Variants in RALGPS1 observed in about 807,000 individuals in gnomAD.
The protein encoded by RALGPS1 is ras-specific guanine nucleotide-releasing factor RalGPS1.
Under a neutral mutation model 78.8 loss-of-function variants are expected in RALGPS1, and 19 were observed. That is an observed-to-expected ratio of 0.24 (90% confidence interval 0.17 to 0.35). The LOEUF (loss-of-function observed/expected upper bound fraction) is 0.35. RALGPS1 is among the 10% of genes least tolerant of loss of function. The pLI is 1.00. For synonymous variants in RALGPS1, 228 were observed against 256.3 expected (o/e 0.89, Z 1.06); for missense variants, 454 against 688.3 (o/e 0.66, Z 3.81).
intron 11 of RALGPS1, among the ~76,000 whole-genome samples, chr9:127,179,314 G>A (rs925436373): frequency 1.3e-5 from 2 of 152,218 alleles, no homozygotes; most frequent in East Asian, 1.9e-4. Context: ...CAGAGAGTGG[G>A]TGCTGCTGCA....
At chr9:127,014,709 G>T (rs1448568904) in intron 4 of RALGPS1, among the ~76,000 whole-genome samples, 6 of 152,090 alleles carry the variant, frequency 3.9e-5, no homozygotes, top group African/African-American at 1.4e-4. Flanking sequence ...TGTGGCCCTA[G>T]GTTGAGACAG....
At chr9:127,076,092 T>A (rs1409782354) in intron 8 of RALGPS1, among the ~76,000 whole-genome samples, 1 of 152,214 alleles carries the variant, frequency 6.6e-6, no homozygotes, top group Non-Finnish European at 1.5e-5. Flanking sequence ...TACTTCAAAG[T>A]GTGAAAACAG....
intron 8 of RALGPS1, among the ~76,000 whole-genome samples, chr9:127,121,673 C>G (rs2056101173): frequency 6.6e-6 from 1 of 152,250 alleles, no homozygotes; most frequent in African/African-American, 2.4e-5. Flanking sequence ...CGCATCCTCC[C>G]TGTATCTTGG....
At chr9:127,076,602 A>G (rs2050699822) in intron 8 of RALGPS1, among the ~76,000 whole-genome samples, 2 of 152,236 alleles carry the variant, frequency 1.3e-5, no homozygotes, top group South Asian at 2.1e-4. Flanking sequence ...TATAAAATCA[A>G]CAGGGCTAAA....
intron 4 of RALGPS1, among the ~76,000 whole-genome samples, chr9:127,030,190 G>C (rs1405729253): frequency 6.6e-6 from 1 of 152,176 alleles, no homozygotes; most frequent in African/African-American, 2.4e-5. Context: ...GAGGCACCTG[G>C]CTATCTTGGA....
At chr9:127,170,273 C>T (rs779019376) in intron 10 of RALGPS1, among the ~76,000 whole-genome samples, 5 of 152,164 alleles carry the variant, frequency 3.3e-5, no homozygotes, top group East Asian at 1.9e-4. Flanking sequence ...GGTCTGCAGC[C>T]GTGGCTGTGA....
At chr9:127,051,291 G>T (rs545366314) in intron 6 of RALGPS1, among the ~76,000 whole-genome samples, 1 of 152,294 alleles carries the variant, frequency 6.6e-6, no homozygotes, top group South Asian at 2.1e-4. Flanking sequence ...TGTGTTTATG[G>T]TGCCCACCCA....
In RALGPS1 at chr9:127,017,413, A is replaced by G. The variant is rs554698883; in HGVS notation, c.217-17018A>G. On this transcript the variant is annotated intron_variant, in intron 4 of 18. Coordinates refer to ENST00000259351, the MANE Select transcript of RALGPS1 (RefSeq NM_014636.3). The stretch of plus-strand genomic sequence containing the variant: ...ATATAATGTAAAAGATAAAAATGGT[A>G]TACCTATATAGGACACTTACCATGG... Among the ~76,000 whole-genome samples the G allele has an allele frequency of 7.9e-5, 12 of 152,344 alleles. No individual in the cohort carries two copies. The South Asian group carries it at 2.3e-3, about 29-fold the overall frequency.
At chr9:127,206,997 G>A (rs1410649453) in intron 14 of RALGPS1, among the ~76,000 whole-genome samples, 1 of 151,934 alleles carries the variant, frequency 6.6e-6, no homozygotes, top group Non-Finnish European at 1.5e-5. Context: ...TATAAGGTGG[G>A]GATAATAATA....
At chr9:127,177,559 G>A (rs552973871) in intron 11 of RALGPS1, among the ~76,000 whole-genome samples, 305 of 151,502 alleles carry the variant, frequency 2.0e-3, no homozygotes, top group Non-Finnish European at 3.6e-3. Flanking sequence ...CTCAGCCTCA[G>A]CCTCAGCCTC....
intron 7 of RALGPS1, among the ~76,000 whole-genome samples, chr9:127,056,891 C>T (rs930651932): frequency 6.6e-6 from 1 of 152,134 alleles, no homozygotes; most frequent in African/African-American, 2.4e-5. Context: ...AGAGCTGTTT[C>T]CTCTCTGCTC....
chr9:127,027,474 A>T (rs908391478), intron 4 of RALGPS1, among the ~76,000 whole-genome samples: 2 of 152,224 alleles, frequency 1.3e-5, no homozygotes, highest in Admixed American at 6.5e-5. Flanking sequence ...TAAGAGTTAT[A>T]GAAAAAGATG....
chr9:127,178,147 G>A (rs2059990032), intron 11 of RALGPS1: 2 of 714,038 alleles, frequency 2.8e-6, no homozygotes, highest in Non-Finnish European at 4.2e-6. Context: ...TGCAGGGTCT[G>A]TGGGCAGGGA....
At chr9:126,972,954 C>T (rs1266247607) in intron 3 of RALGPS1, among the ~76,000 whole-genome samples, 1 of 152,084 alleles carries the variant, frequency 6.6e-6, no homozygotes, top group Non-Finnish European at 1.5e-5. Flanking sequence ...CCCAGCTACT[C>T]AGGAGGCTGA....
chr9:126,945,391 G>A (rs572187863), intron 1 of RALGPS1, among the ~76,000 whole-genome samples: 1 of 152,108 alleles, frequency 6.6e-6, no homozygotes, highest in Non-Finnish European at 1.5e-5. Context: ...GTAGAGACGG[G>A]GTTTCGCCAT....
chr9:127,155,391 G>T (rs1015286273), intron 8 of RALGPS1, among the ~76,000 whole-genome samples: 5 of 152,168 alleles, frequency 3.3e-5, no homozygotes, highest in Admixed American at 2.6e-4. Flanking sequence ...TTAGCAGCCA[G>T]GAAGGAGAAG....
intron 8 of RALGPS1, among the ~76,000 whole-genome samples, chr9:127,147,968 C>T (rs544116025): frequency 2.0e-5 from 3 of 152,292 alleles, no homozygotes; most frequent in Admixed American, 2.0e-4. Context: ...CATTAACTTG[C>T]CCAAGTCCTT....
At chr9:127,153,856 T>C (rs73668487) in intron 8 of RALGPS1, among the ~76,000 whole-genome samples, 8,293 of 152,218 alleles carry the variant, frequency 0.054, 785 homozygotes, top group African/African-American at 0.19. Flanking sequence ...GGAGAACCAG[T>C]GCACCAATTG....
chr9:127,152,870 A>G (rs1242242346), intron 8 of RALGPS1, among the ~76,000 whole-genome samples: 2 of 152,178 alleles, frequency 1.3e-5, no homozygotes, highest in African/African-American at 2.4e-5. Flanking sequence ...TTATCCAGAT[A>G]ATCTGCAACC....
Sources: allele counts gnomAD v4.1 joint callset (sites outside exome capture counted in the v4.1 genomes callset), GRCh38; gene constraint gnomAD v4.1.1; transcripts MANE v1.5; gene names NCBI Gene and HGNC (gene_info 2026-07-23, HGNC 2026-07-21).